Variants in AGBL1 observed in about 807,000 individuals in gnomAD.
The protein encoded by AGBL1 is cytosolic carboxypeptidase 4.
A neutral mutation model predicts 118.9 loss-of-function variants in AGBL1; 130 were observed. The ratio of observed to expected loss-of-function variants is 1.09; its 90% CI spans 0.95 to 1.26. The LOEUF (loss-of-function observed/expected upper bound fraction) is 1.26, where lower values mean the gene tolerates loss of function less well. AGBL1 is among the 50% of genes most tolerant of loss of function. The pLI, the probability that AGBL1 is intolerant of heterozygous loss-of-function variation, is 0.00. For synonymous variants in AGBL1, 555 were observed against 478.9 expected (o/e 1.16, Z -2.08); for missense variants, 1,584 against 1,298.1 (o/e 1.22, Z -3.38).
chr15:86,585,051 C>A (rs1445405725), intron 21 of AGBL1, among the ~76,000 whole-genome samples: 1 of 152,194 alleles, frequency 6.6e-6, no homozygotes, highest in Non-Finnish European at 1.5e-5. Flanking sequence ...TAAAACTTTA[C>A]TGAAGTTGCT....
chr15:87,005,504 C>T (rs1033038322), intron 24 of AGBL1, among the ~76,000 whole-genome samples: 6 of 152,182 alleles, frequency 3.9e-5, no homozygotes, highest in East Asian at 3.9e-4. Flanking sequence ...CTTGTGCATT[C>T]GTCACATAGT....
chr15:86,842,166 G>A (rs1346680131), intron 22 of AGBL1, among the ~76,000 whole-genome samples: 3 of 150,764 alleles, frequency 2.0e-5, no homozygotes, highest in Non-Finnish European at 4.4e-5. Flanking sequence ...GAGTGTGAAA[G>A]ATTTAAGTGT....
chr15:86,523,455 A>T (rs1051380745), intron 19 of AGBL1, among the ~76,000 whole-genome samples: 1 of 152,150 alleles, frequency 6.6e-6, no homozygotes, highest in Non-Finnish European at 1.5e-5. Flanking sequence ...TTTCCAAGTA[A>T]GGTTACATTC....
At chr15:86,845,058 G>C (rs1435623964) in intron 22 of AGBL1, among the ~76,000 whole-genome samples, 5 of 151,986 alleles carry the variant, frequency 3.3e-5, no homozygotes, top group Admixed American at 3.3e-4. Context: ...AGTGCTTGCT[G>C]TCTTAATTAC....
At chr15:86,308,644 A>C (rs935572170) in intron 17 of AGBL1, among the ~76,000 whole-genome samples, 1 of 152,158 alleles carries the variant, frequency 6.6e-6, no homozygotes, top group African/African-American at 2.4e-5. Context: ...CTGCATCTGT[A>C]TATTTAGTTT....
At chr15:86,674,243 G>C in intron 21 of AGBL1, 30 bp from the exon 22 acceptor site, 1 of 1,584,374 alleles carries the variant, frequency 6.3e-7, no homozygotes, top group Non-Finnish European at 8.6e-7. Flanking sequence ...ATTATACGTT[G>C]CCACAGTTAA....
intron 6 of AGBL1, among the ~76,000 whole-genome samples, chr15:86,230,453 G>C (rs1476340035): frequency 6.6e-6 from 1 of 152,208 alleles, no homozygotes; most frequent in South Asian, 2.1e-4. Context: ...TCATGACCAT[G>C]CACAAGTACC....
chr15:86,340,943 C>T (rs927140737), intron 17 of AGBL1, among the ~76,000 whole-genome samples: 7 of 152,290 alleles, frequency 4.6e-5, no homozygotes, highest in African/African-American at 1.2e-4. Context: ...TGTCTTCTGA[C>T]ACCTCATTAT....
intron 22 of AGBL1, among the ~76,000 whole-genome samples, chr15:86,785,427 T>C (rs564420106): frequency 6.4e-4 from 93 of 145,318 alleles, no homozygotes; most frequent in Non-Finnish European, 1.3e-3. Context: ...CAGGCTACAG[T>C]GTAGTGGTGT....
intron 24 of AGBL1, among the ~76,000 whole-genome samples, chr15:86,989,212 G>T (rs1247127408): frequency 6.6e-6 from 1 of 151,894 alleles, no homozygotes; most frequent in Non-Finnish European, 1.5e-5. Context: ...TGTTGCCTGG[G>T]CTGGTCTCCA....
intron 19 of AGBL1, among the ~76,000 whole-genome samples, chr15:86,533,567 A>C (rs1318373565): frequency 5.1e-5 from 7 of 136,062 alleles, no homozygotes; most frequent in East Asian, 4.5e-4. Context: ...TTCCTCAGGG[A>C]TCTAGAACTA....
rs983879648 is a variant in AGBL1, at chr15:86,829,563, A to C, written c.3159-77524A>C. Among the ~76,000 whole-genome samples the C allele has an allele frequency of 8.5e-4, 130 of 152,306 alleles. 1 individual carries two copies. Among genetic ancestry groups the C allele is most frequent in the African/African-American group, 3.0e-3 (125 of 41,568 alleles). On this transcript the variant is annotated intron_variant, in intron 22 of 22. Transcript: ENST00000614907. Reference sequence around the variant, plus strand: ...GAGAACCACTTGCCATTTGAAAAAAAACATCAGTAGAACTATTTGGTCATT... The same window carrying C: ...GAGAACCACTTGCCATTTGAAAAAACACATCAGTAGAACTATTTGGTCATT...
chr15:86,160,364 G>T (rs2077250546), intron 5 of AGBL1, among the ~76,000 whole-genome samples: 1 of 152,104 alleles, frequency 6.6e-6, no homozygotes, highest in African/African-American at 2.4e-5. Context: ...ATATAAACCA[G>T]TGTCTTATCA....
At chr15:86,517,665 G>A (rs917039578) in intron 18 of AGBL1, among the ~76,000 whole-genome samples, 1 of 151,956 alleles carries the variant, frequency 6.6e-6, no homozygotes, top group Admixed American at 6.5e-5. Flanking sequence ...TTGCTCTCTG[G>A]ATTATTGACT....
At chr15:86,163,612 C>T (rs1422378083) in intron 5 of AGBL1, among the ~76,000 whole-genome samples, 1 of 151,930 alleles carries the variant, frequency 6.6e-6, no homozygotes, top group Non-Finnish European at 1.5e-5. Flanking sequence ...CCTGTAATCC[C>T]AGCTACCTGG....
At chr15:86,532,280 A>G (rs1038707380) in intron 19 of AGBL1, among the ~76,000 whole-genome samples, 13 of 152,032 alleles carry the variant, frequency 8.6e-5, no homozygotes, top group Non-Finnish European at 1.9e-4. Flanking sequence ...TACAAAATCA[A>G]TGTGCAAAAA....
intron 18 of AGBL1, among the ~76,000 whole-genome samples, chr15:86,410,841 T>TATAAAA (rs67883935): frequency 6.2e-5 from 4 of 64,568 alleles, no homozygotes; most frequent in African/African-American, 2.7e-4. Flanking sequence ...TATATATATA[T>TATAAAA]AATATACTAT....
At chr15:86,167,931 A>G (rs1399512229) in intron 5 of AGBL1, among the ~76,000 whole-genome samples, 3 of 152,242 alleles carry the variant, frequency 2.0e-5, no homozygotes, top group Non-Finnish European at 4.4e-5. Context: ...TGAGTAGAGA[A>G]CAATAAATGG....
chr15:86,646,372 C>A (rs529464162), intron 21 of AGBL1, among the ~76,000 whole-genome samples: 2 of 152,288 alleles, frequency 1.3e-5, no homozygotes, highest in East Asian at 3.9e-4. Flanking sequence ...GAATGTTAGA[C>A]CCTAGACAGT....
Sources: allele counts gnomAD v4.1 joint callset (sites outside exome capture counted in the v4.1 genomes callset), GRCh38; gene constraint gnomAD v4.1.1; transcripts MANE v1.5; gene names NCBI Gene and HGNC (gene_info 2026-07-23, HGNC 2026-07-21).